Variants in NHSL1 observed in about 807,000 individuals in gnomAD.
The protein encoded by NHSL1 is NHS-like protein 1.
NHSL1 carries 48 observed loss-of-function variants against 95.0 expected under a neutral mutation model. The ratio of observed to expected loss-of-function variants is 0.51; its 90% CI spans 0.40 to 0.64. NHSL1 has a LOEUF of 0.64. Ranked by LOEUF, NHSL1 falls within the 30% of genes least tolerant of loss-of-function variation. The pLI, the probability that NHSL1 is intolerant of heterozygous loss-of-function variation, is 0.00. For synonymous variants in NHSL1, 783 were observed against 833.9 expected, an observed-to-expected ratio of 0.94 and a Z score of 1.05; for missense variants, 1,971 against 2,077.7, an observed-to-expected ratio of 0.95 and a Z score of 1.00.
chr6:138,430,567 T>A lies in NHSL1; in HGVS notation c.3778A>T (p.Thr1260Ser). Residue 1260 changes from threonine (T) to serine (S), a missense_variant, in exon 6 of 8, where the codon ACC becomes TCC. Physicochemically the swap from Thr to Ser is moderately conservative, Grantham distance 58 (BLOSUM62 1). Around this residue, in one of 3 missense-constraint regions of NHSL1, gnomAD observed 1,602 missense variants for 1,654.5 expected, o/e 0.97. Coordinates refer to ENST00000343505, the MANE Select transcript of NHSL1 (RefSeq NM_001144060.2). The surrounding 1 kb of genome is among the most constrained non-coding windows in gnomAD (Gnocchi z 4.7). ...QAGSHATHPG[T>S]SVLEGGAAGS... ...GCAGCTCCTCCCTCAAGAACCGAGG[T>A]GCCAGGGTGCGTGGCATGAGAGCCA... 6.4e-7 allele frequency: 1 copy of A among 1,550,720 alleles called. No homozygotes were observed. Among genetic ancestry groups the A allele is most frequent in the African/African-American group, 1.4e-5 (1 of 73,134 alleles).
chr6:138,601,307 TA>T (rs1251455841), intron 1 of NHSL1, among the ~76,000 whole-genome samples: 1 of 152,206 alleles, frequency 6.6e-6, no homozygotes, highest in African/African-American at 2.4e-5. Context: ...AGTCCCAAGC[TA>T]AACCAACACT....
At chr6:138,577,114 A>G (rs1234951339), upstream of NHSL1, among the ~76,000 whole-genome samples, 1 of 152,216 alleles carries the variant, frequency 6.6e-6, no homozygotes, top group Non-Finnish European at 1.5e-5. Context: ...GGTTCTTGCC[A>G]TAAGACACAA....
At chr6:138,480,274 A>G (rs1219457079) in intron 2 of NHSL1, among the ~76,000 whole-genome samples, 2 of 152,160 alleles carry the variant, frequency 1.3e-5, no homozygotes, top group African/African-American at 2.4e-5. Context: ...TGAATATTGT[A>G]TTTTCCATTC....
chr6:138,530,352 A>G (rs1328070232), intron 1 of NHSL1, among the ~76,000 whole-genome samples: 1 of 152,230 alleles, frequency 6.6e-6, no homozygotes, highest in African/African-American at 2.4e-5. Context: ...TACAACCACT[A>G]TGGAAAACAG....
At chr6:138,575,043 G>A (rs2114466122), upstream of NHSL1, among the ~76,000 whole-genome samples, 1 of 152,162 alleles carries the variant, frequency 6.6e-6, no homozygotes, top group South Asian at 2.1e-4. Context: ...AGGATTACAG[G>A]CATATGCCAC....
chr6:138,657,544 T>C (rs1785171453), intron 1 of NHSL1, among the ~76,000 whole-genome samples: 1 of 152,000 alleles, frequency 6.6e-6, no homozygotes, highest in African/African-American at 2.4e-5. Flanking sequence ...CTGGGCGCGG[T>C]GGCTCATGCC....
At chr6:138,576,334 A>C (rs1583430302), upstream of NHSL1, among the ~76,000 whole-genome samples, 1 of 152,266 alleles carries the variant, frequency 6.6e-6, no homozygotes, top group African/African-American at 2.4e-5. Flanking sequence ...AAAAAAAATA[A>C]CTTCAGCTAT....
intron 1 of NHSL1, among the ~76,000 whole-genome samples, chr6:138,666,261 C>T (rs1785292767): frequency 6.6e-6 from 1 of 151,976 alleles, no homozygotes; most frequent in Non-Finnish European, 1.5e-5. Context: ...CAAGATTGTG[C>T]CATTGTACTC....
At chr6:138,465,306 T>C (rs1026788983) in intron 3 of NHSL1, among the ~76,000 whole-genome samples, 4 of 151,996 alleles carry the variant, frequency 2.6e-5, no homozygotes, top group Non-Finnish European at 4.4e-5. Flanking sequence ...CTTAAAGGGG[T>C]GTGATGCATC....
chr6:138,582,407 T>C (rs988483328), intron 1 of NHSL1, among the ~76,000 whole-genome samples: 2 of 147,794 alleles, frequency 1.4e-5, no homozygotes, highest in African/African-American at 5.1e-5. Context: ...AAAAAAGAGA[T>C]GGGACCAAAA....
chr6:138,664,654 A>C (rs1401563446), intron 1 of NHSL1, among the ~76,000 whole-genome samples: 2 of 152,272 alleles, frequency 1.3e-5, no homozygotes, highest in South Asian at 4.1e-4. Context: ...AATATGACAC[A>C]AATCAACAGA....
intron 1 of NHSL1, among the ~76,000 whole-genome samples, chr6:138,663,098 C>T (rs7769368): frequency 0.18 from 25,400 of 144,392 alleles, 3,294 homozygotes; most frequent in African/African-American, 0.38. Flanking sequence ...AAATGTCTAA[C>T]AATCAGATAT....
intron 1 of NHSL1, among the ~76,000 whole-genome samples, chr6:138,583,291 G>A (rs1335901824): frequency 6.6e-6 from 1 of 152,172 alleles, no homozygotes; most frequent in Non-Finnish European, 1.5e-5. Flanking sequence ...ACTGGCCAAA[G>A]CAGGTCATGT....
intron 1 of NHSL1, among the ~76,000 whole-genome samples, chr6:138,606,026 G>A (rs1364557878): frequency 6.6e-6 from 1 of 152,110 alleles, no homozygotes; most frequent in Non-Finnish European, 1.5e-5. Context: ...TTTAAATATG[G>A]ATTTTGTGAG....
upstream of NHSL1, among the ~76,000 whole-genome samples, chr6:138,573,906 A>G (rs183373461): frequency 4.2e-4 from 64 of 152,156 alleles, no homozygotes; most frequent in East Asian, 7.0e-3. Context: ...TCAGTTATTA[A>G]TTGCAATAAT....
In NHSL1 at chr6:138,431,193, A is replaced by C; in HGVS notation, c.3152T>G (p.Leu1051Trp). The C allele has an allele frequency of 6.5e-7, 1 of 1,545,694 alleles. No homozygotes were observed. The highest frequency in any genetic ancestry group is 8.7e-7 in the Non-Finnish European group (1 of 1,142,974). ...SGQPESSRGS[L>W]RPPSTKEETS... is the part of the protein sequence containing the mutation. ...CTCCTCCTTGGTAGAAGGCGGCCTCAAGGATCCCCGGGAGGATTCTGGCTG... is the reference window on the plus strand; with the variant it reads ...CTCCTCCTTGGTAGAAGGCGGCCTCCAGGATCCCCGGGAGGATTCTGGCTG... The change falls in exon 6 of 8, where the codon TTG (leucine) becomes TGG (tryptophan). Residue 1051 changes from leucine to tryptophan, a missense_variant. Coordinates refer to ENST00000343505, the MANE Select transcript of NHSL1 (RefSeq NM_001144060.2). This position sits in a 1 kb window ranked among gnomAD's most constrained non-coding sequence, Gnocchi z 4.0.
At chr6:138,673,060 T>C (rs145191204) in intron 1 of NHSL1, among the ~76,000 whole-genome samples, 4 of 108,358 alleles carry the variant, frequency 3.7e-5, no homozygotes, top group Admixed American at 9.9e-5. Context: ...GATAGATAGA[T>C]AGATAATGTT....
At chr6:138,433,742 A>G (rs1775878130) in intron 5 of NHSL1, 62 bp from the exon 6 acceptor site, 1 of 1,413,762 alleles carries the variant, frequency 7.1e-7, no homozygotes, top group Admixed American at 3.0e-5. Flanking sequence ...CATCACGTGT[A>G]CCCTCACCCC....
rs1396030678 is a variant in NHSL1 at position 138,424,505 on chromosome 6, C to T, written c.4397G>A (p.Ser1466Asn). The change falls in exon 8 of 8, where the codon AGC becomes AAC. Residue 1466 changes from serine to asparagine, a missense_variant. This residue lies in a region of NHSL1 where 223 missense variants were observed against 217.0 expected (regional missense o/e 1.03). Coordinates refer to ENST00000343505, the MANE Select transcript of NHSL1 (RefSeq NM_001144060.2). The surrounding 1 kb of genome is among the most constrained non-coding windows in gnomAD (Gnocchi z 5.9). Reference protein sequence around the residue: ...PSPDAPESPSSCSPSKNRRAQ... With the variant: ...PSPDAPESPSNCSPSKNRRAQ... The stretch of plus-strand genomic sequence containing the variant: ...CCTTCTGTTCTTGCTTGGGGAGCAG[C>T]TTGACGGGCTCTCGGGGGCATCTGG... 1.9e-6 allele frequency: 3 copies of T among 1,551,576 alleles called. No individual in the cohort carries two copies. The highest frequency in any genetic ancestry group is 2.6e-6 in the Non-Finnish European group (3 of 1,146,992).
Sources: gnomAD v4.1 joint callset for allele counts (sites outside exome capture counted in the v4.1 genomes callset) on GRCh38, gnomAD v4.1.1 for gene constraint, gnomAD v4.1.1 regional missense constraint, Gnocchi (gnomAD v3.1) non-coding constraint, MANE v1.5 for transcripts, NCBI Gene and HGNC (gene_info 2026-07-23, HGNC 2026-07-21) for gene names.